The following SLC39A9 variants were observed in gnomAD, a reference collection of about 807,000 sequenced individuals.
SLC39A9 encodes the protein zinc transporter ZIP9.
In SLC39A9, 14 loss-of-function variants were observed where a neutral mutation model predicts 28.4. The observed-to-expected ratio is 0.49, with a 90% CI of 0.33 to 0.77. The LOEUF is 0.77. Ranked by LOEUF, SLC39A9 falls within the 30% of genes least tolerant of loss-of-function variation. SLC39A9 has a pLI of 0.02. For missense variants in SLC39A9, 283 were observed against 381.1 expected (o/e 0.74, Z 2.14); for synonymous variants, 119 against 149.6 (o/e 0.80, Z 1.49).
intron 2 of SLC39A9, among the ~76,000 whole-genome samples, chr14:69,434,975 T>G (rs752576090): frequency 4.6e-5 from 7 of 152,218 alleles, no homozygotes; most frequent in Non-Finnish European, 8.8e-5. Context: ...TTTGAAAACT[T>G]ACAGATTTGT....
At chr14:69,422,524 T>C (rs1883956273) in intron 1 of SLC39A9, among the ~76,000 whole-genome samples, 1 of 152,190 alleles carries the variant, frequency 6.6e-6, no homozygotes, top group South Asian at 2.1e-4. Context: ...GATCCTCTGC[T>C]TCCACCACCC....
intron 1 of SLC39A9, among the ~76,000 whole-genome samples, chr14:69,407,108 C>G (rs1365651402): frequency 6.6e-6 from 1 of 151,910 alleles, no homozygotes; most frequent in South Asian, 2.1e-4. Flanking sequence ...CCTCGGCCTC[C>G]CAAAGTTCTG....
intron 1 of SLC39A9, among the ~76,000 whole-genome samples, chr14:69,401,991 G>A (rs963318424): frequency 3.9e-5 from 6 of 152,072 alleles, no homozygotes; most frequent in African/African-American, 1.4e-4. Flanking sequence ...ATTCACGGGG[G>A]ACTGGAAAGC....
At position 69,461,189 on chromosome 14, in the gene SLC39A9, C is replaced by T. The variant is rs1355822868; in HGVS notation, c.*2596C>T. ...TTGATGATGAGAAGCATGATTCTTGCTTCCATATAACCAAAGTTAATCTTA... is the reference window on the plus strand; with the variant it reads ...TTGATGATGAGAAGCATGATTCTTGTTTCCATATAACCAAAGTTAATCTTA... On this transcript the variant is annotated 3_prime_UTR_variant, in exon 7 of 7. Transcript: ENST00000336643. The T allele has an allele frequency of 2.0e-6, 2 of 987,268 alleles. No homozygotes were observed. Among genetic ancestry groups the T allele is most frequent in the South Asian group, 4.7e-5 (1 of 21,422 alleles). 61.2% of individuals were successfully genotyped at this position (987,268 alleles called of 1,614,324 possible).
At chr14:69,406,380 G>T (rs997710317) in intron 1 of SLC39A9, among the ~76,000 whole-genome samples, 1 of 152,198 alleles carries the variant, frequency 6.6e-6, no homozygotes, top group Non-Finnish European at 1.5e-5. Context: ...AAATTGTGCT[G>T]TTCAAGAAGT....
chr14:69,418,399 G>A (rs1198641278), intron 1 of SLC39A9, among the ~76,000 whole-genome samples: 5 of 151,942 alleles, frequency 3.3e-5, no homozygotes, highest in South Asian at 2.1e-4. Flanking sequence ...TTTTTGCATC[G>A]ATGTTCATCA....
At chr14:69,453,411 GC>G (rs1156938707) in intron 4 of SLC39A9, 102 bp downstream of exon 4, 2 of 1,073,496 alleles carry the variant, frequency 1.9e-6, no homozygotes, top group African/African-American at 3.2e-5. Context: ...TCTTGGACTG[GC>G]CTTTGAGGAA....
intron 3 of SLC39A9, among the ~76,000 whole-genome samples, chr14:69,448,046 C>T (rs1473365704): frequency 1.3e-5 from 2 of 151,710 alleles, no homozygotes; most frequent in Non-Finnish European, 2.9e-5. Flanking sequence ...AACCTCGTCT[C>T]TACTAAAAAT....
chr14:69,446,685 C>T (rs1283109041), intron 3 of SLC39A9, among the ~76,000 whole-genome samples: 1 of 151,700 alleles, frequency 6.6e-6, no homozygotes, highest in Middle Eastern at 3.2e-3. Flanking sequence ...CCAGCCTGGC[C>T]AACATGGTGA....
At chr14:69,411,957 A>G (rs1246717714) in intron 1 of SLC39A9, among the ~76,000 whole-genome samples, 1 of 151,566 alleles carries the variant, frequency 6.6e-6, no homozygotes, top group Non-Finnish European at 1.5e-5. Flanking sequence ...TCATTTTTGT[A>G]TTTTTAGTAG....
At chr14:69,398,603 C>A (rs1882439299), upstream of SLC39A9, 1 of 291,426 alleles carries the variant, frequency 3.4e-6, no homozygotes, top group Non-Finnish European at 6.6e-6. Context: ...ATGGCGGCAA[C>A]GTAAGTATCC....
intron 2 of SLC39A9, among the ~76,000 whole-genome samples, chr14:69,436,007 T>G (rs1279646908): frequency 1.3e-5 from 2 of 152,154 alleles, no homozygotes; most frequent in African/African-American, 2.4e-5. Flanking sequence ...TCCAGTGAAT[T>G]TACTACTTTA....
chr14:69,411,211 CAAAAAA>C (rs35337440), intron 1 of SLC39A9, among the ~76,000 whole-genome samples: 1 of 74,764 alleles, frequency 1.3e-5, no homozygotes, highest in Non-Finnish European at 2.6e-5. Flanking sequence ...GATTCCATCT[CAAAAAA>C]AAAAAAAAAA....
intron 1 of SLC39A9, among the ~76,000 whole-genome samples, chr14:69,409,511 T>TA (rs1883131199): frequency 6.7e-6 from 1 of 149,706 alleles, no homozygotes; most frequent in African/African-American, 2.6e-5. Flanking sequence ...CTAATTTTTG[T>TA]ATTTTTTTAG....
intron 1 of SLC39A9, among the ~76,000 whole-genome samples, chr14:69,402,127 CA>C (rs1269804013): frequency 1.3e-5 from 2 of 151,862 alleles, no homozygotes; most frequent in East Asian, 1.9e-4. Flanking sequence ...TCGTTTACAT[CA>C]GGGGTGTCCA....
At position 69,406,619 on chromosome 14, in the gene SLC39A9, C is replaced by T. The variant is rs545293215; in HGVS notation, c.96+7154C>T. 4.7e-5 allele frequency among the ~76,000 whole-genome samples: 7 copies of T among 148,834 alleles called. No individual in the cohort carries two copies. In the South Asian group the frequency reaches 1.1e-3, roughly 23 times the overall value. On this transcript the variant is annotated intron_variant, in intron 1 of 6. Coordinates refer to ENST00000336643, the MANE Select transcript of SLC39A9 (RefSeq NM_018375.5). Reference sequence around the variant, plus strand: ...AGGAGAATTGCTTGAACCTTGGAGTCGGAGATTGCAGTGAGCTGAGATTGT... The same window carrying T: ...AGGAGAATTGCTTGAACCTTGGAGTTGGAGATTGCAGTGAGCTGAGATTGT...
chr14:69,402,940 G>A (rs184832221), intron 1 of SLC39A9, among the ~76,000 whole-genome samples: 36 of 152,114 alleles, frequency 2.4e-4, no homozygotes, highest in Admixed American at 1.0e-3. Context: ...AAATTAGCTG[G>A]GCGTGGTGGC....
intron 1 of SLC39A9, among the ~76,000 whole-genome samples, chr14:69,412,336 C>T (rs1883317798): frequency 1.3e-5 from 2 of 151,346 alleles, no homozygotes; most frequent in African/African-American, 4.9e-5. Context: ...TTGCAGTGAG[C>T]CAAGATCACG....
At position 69,442,157 on chromosome 14, in the gene SLC39A9, C is replaced by A. The variant is rs776618040; in HGVS notation, c.294C>A (p.Ser98Arg). The A allele has an allele frequency of 6.2e-7, 1 of 1,614,216 alleles. No individual in the cohort carries two copies. The highest frequency in any genetic ancestry group is 8.5e-7 in the Non-Finnish European group (1 of 1,180,032). The change falls in exon 3 of 7, where the codon AGC becomes AGA. Residue 98 changes from serine (S) to arginine (R), a missense_variant. Coordinates refer to ENST00000336643, the MANE Select transcript of SLC39A9 (RefSeq NM_018375.5). ...CAGTTGTCCATGAACATGAGCACAGCCACGACCACACACAGCTGCATGCCT... is the reference window on the plus strand; with the variant it reads ...CAGTTGTCCATGAACATGAGCACAGACACGACCACACACAGCTGCATGCCT... ...EKSVVHEHEH[S>R]HDHTQLHAYI... is the part of the protein sequence containing the mutation.
Sources: gnomAD v4.1 joint callset for allele counts (sites outside exome capture counted in the v4.1 genomes callset) on GRCh38, gnomAD v4.1.1 for gene constraint, MANE v1.5 for transcripts, NCBI Gene and HGNC (gene_info 2026-07-23, HGNC 2026-07-21) for gene names.